EYA1: variants seen among roughly 807,000 people sequenced by gnomAD.
EYA1 encodes the protein protein phosphatase EYA1.
A neutral mutation model predicts 82.0 loss-of-function variants in EYA1; 16 were observed. That is an observed-to-expected ratio of 0.20 (90% CI 0.13 to 0.30). The LOEUF is 0.30. EYA1 is among the 10% of genes least tolerant of loss of function. The pLI is 1.00. For missense variants in EYA1, 633 were observed against 730.7 expected, an observed-to-expected ratio of 0.87 and a Z score of 1.54; for synonymous variants, 261 against 264.4, an observed-to-expected ratio of 0.99 and a Z score of 0.12.
At chr8:71,314,967 C>T (rs1385654937) in intron 7 of EYA1, among the ~76,000 whole-genome samples, 2 of 145,410 alleles carry the variant, frequency 1.4e-5, no homozygotes, top group African/African-American at 5.0e-5. Context: ...AATTCATTTC[C>T]TTTTCTACTC....
At chr8:71,525,995 T>C (rs745822654) in intron 2 of EYA1, among the ~76,000 whole-genome samples, 19 of 152,188 alleles carry the variant, frequency 1.2e-4, no homozygotes, top group Non-Finnish European at 2.5e-4. Flanking sequence ...AAACAGCTCA[T>C]GGCCTAGAAG....
intron 11 of EYA1, among the ~76,000 whole-genome samples, chr8:71,248,911 T>A (rs1813421075): frequency 6.6e-6 from 1 of 152,230 alleles, no homozygotes; most frequent in African/African-American, 2.4e-5. Flanking sequence ...AAACCAAAAC[T>A]GAGATGTTAA....
chr8:71,208,628 TA>T (rs138304004), intron 17 of EYA1, among the ~76,000 whole-genome samples: 1,972 of 152,260 alleles, frequency 0.013, 33 homozygotes, highest in African/African-American at 0.042. Flanking sequence ...TTGCCTAATG[TA>T]ATGATGAGTT....
chr8:71,450,182 T>C (rs1807238788), intron 2 of EYA1, among the ~76,000 whole-genome samples: 1 of 152,244 alleles, frequency 6.6e-6, no homozygotes, highest in Non-Finnish European at 1.5e-5. Flanking sequence ...AGGACTTTTC[T>C]TTTGAATTAA....
At chr8:71,365,477 TAAAA>T (rs964181266), upstream of EYA1, among the ~76,000 whole-genome samples, 1 of 152,152 alleles carries the variant, frequency 6.6e-6, no homozygotes, top group African/African-American at 2.4e-5. Flanking sequence ...TGCATTTTCT[TAAAA>T]AAGCGAAATC....
At chr8:71,514,255 T>C (rs973530229) in intron 2 of EYA1, among the ~76,000 whole-genome samples, 2 of 152,164 alleles carry the variant, frequency 1.3e-5, no homozygotes, top group Non-Finnish European at 2.9e-5. Flanking sequence ...TTTTATAAGT[T>C]GATATAACTT....
chr8:71,526,589 C>T (rs1813832531), intron 2 of EYA1, among the ~76,000 whole-genome samples: 2 of 152,158 alleles, frequency 1.3e-5, no homozygotes, highest in African/African-American at 4.8e-5. Flanking sequence ...TAAGATGGCT[C>T]ACTCCCATGG....
intron 3 of EYA1, among the ~76,000 whole-genome samples, chr8:71,337,811 T>C (rs1008598414): frequency 6.6e-6 from 1 of 152,184 alleles, no homozygotes; most frequent in Admixed American, 6.5e-5. Flanking sequence ...TGTGGAGTAA[T>C]ACCAGGAACA....
At chr8:71,244,037 T>C (rs1315579319) in intron 12 of EYA1, among the ~76,000 whole-genome samples, 1 of 152,256 alleles carries the variant, frequency 6.6e-6, no homozygotes, top group Non-Finnish European at 1.5e-5. Flanking sequence ...AAGACCATTG[T>C]GATTGTCAGT....
chr8:71,532,827 A>AT (rs1814398335), intron 2 of EYA1, among the ~76,000 whole-genome samples: 1 of 152,160 alleles, frequency 6.6e-6, no homozygotes, highest in Non-Finnish European at 1.5e-5. Context: ...GGTTATATGG[A>AT]TTTTACTTCT....
At chr8:71,517,338 CAT>C (rs1381934503) in intron 2 of EYA1, among the ~76,000 whole-genome samples, 1 of 151,944 alleles carries the variant, frequency 6.6e-6, no homozygotes, top group Non-Finnish European at 1.5e-5. Context: ...TACAGTTAAA[CAT>C]ATCATGATGA....
intron 2 of EYA1, among the ~76,000 whole-genome samples, chr8:71,484,740 T>C (rs1810431264): frequency 4.6e-5 from 7 of 152,240 alleles, no homozygotes; most frequent in Admixed American, 4.6e-4. Flanking sequence ...CTGCACCTTG[T>C]ACTTCCTGTC....
intron 11 of EYA1, among the ~76,000 whole-genome samples, chr8:71,253,119 T>C (rs564445833): frequency 6.6e-6 from 1 of 152,286 alleles, no homozygotes; most frequent in East Asian, 1.9e-4. Flanking sequence ...GACATAATAT[T>C]TTAGAAAGGT....
At chr8:71,484,328 A>G (rs76005633) in intron 2 of EYA1, among the ~76,000 whole-genome samples, 17,014 of 152,212 alleles carry the variant, frequency 0.11, 3,135 homozygotes, top group African/African-American at 0.38. Context: ...AATGTGTACC[A>G]TTACAGAAGC....
At chr8:71,425,152 A>G (rs983607365) in intron 2 of EYA1, among the ~76,000 whole-genome samples, 1 of 147,928 alleles carries the variant, frequency 6.8e-6, no homozygotes, top group African/African-American at 2.5e-5. Context: ...GCGTGGTGGC[A>G]GGCACCTGTA....
At chr8:71,440,975 G>A (rs528950210) in intron 2 of EYA1, among the ~76,000 whole-genome samples, 1 of 152,174 alleles carries the variant, frequency 6.6e-6, no homozygotes, top group South Asian at 2.1e-4. Context: ...ATTTTACAGA[G>A]CAAATTGTAT....
intron 2 of EYA1, among the ~76,000 whole-genome samples, chr8:71,528,375 G>C (rs1261152867): frequency 6.6e-6 from 1 of 152,186 alleles, no homozygotes; most frequent in Non-Finnish European, 1.5e-5. Flanking sequence ...ACATGTCACT[G>C]TCCTGGCTCT....
At chr8:71,431,586 C>T (rs370028152) in intron 2 of EYA1, among the ~76,000 whole-genome samples, 1 of 152,180 alleles carries the variant, frequency 6.6e-6, no homozygotes, top group South Asian at 2.1e-4. Flanking sequence ...AATATGCTAA[C>T]TGACATTGTG....
rs545764396 is a variant in EYA1, at chr8:71,199,236, G to A, written c.*104C>T. On this transcript the variant is annotated 3_prime_UTR_variant, in exon 18 of 18. Transcript: ENST00000340726. The stretch of plus-strand genomic sequence containing the variant: ...TGACAGCAACTGCGCATCACCAGGC[G>A]GAAATTGCTAAGTTCTGGAGGCCGG... 1.6e-4 allele frequency: 127 copies of A among 814,112 alleles called. No individual in the cohort carries two copies. The highest frequency in any genetic ancestry group is 5.2e-4 in the South Asian group (36 of 69,180). 50.4% of individuals were successfully genotyped at this position (814,112 alleles called of 1,614,324 possible). A position where few individuals can be genotyped will look rare whatever the true frequency, so the allele number is the denominator to read the frequency against.
Sources: gnomAD v4.1 joint callset for allele counts (sites outside exome capture counted in the v4.1 genomes callset) on GRCh38, gnomAD v4.1.1 for gene constraint, MANE v1.5 for transcripts, NCBI Gene and HGNC (gene_info 2026-07-23, HGNC 2026-07-21) for gene names.